The following BAZ2A variants were observed in gnomAD, a reference collection of about 807,000 sequenced individuals.
The protein encoded by BAZ2A is bromodomain adjacent to zinc finger domain 2A, also known as bromodomain adjacent to zinc finger domain protein 2A.
In BAZ2A, 34 loss-of-function variants were observed where a neutral mutation model predicts 199.9. The ratio of observed to expected loss-of-function variants is 0.17; its 90% CI spans 0.13 to 0.23. The LOEUF is 0.23. Ranked by LOEUF, BAZ2A falls within the 10% of genes least tolerant of loss-of-function variation. The pLI is 1.00. For synonymous variants in BAZ2A, 857 were observed against 883.9 expected (o/e 0.97, Z 0.54); for missense variants, 2,002 against 2,391.1 (o/e 0.84, Z 3.39).
intron 2 of BAZ2A, among the ~76,000 whole-genome samples, chr12:56,616,186 C>A (rs1396464465): frequency 1.3e-5 from 2 of 152,148 alleles, no homozygotes; most frequent in African/African-American, 4.8e-5. Flanking sequence ...CAGGCGTGAG[C>A]CACCACGCCT....
Position 56,611,957 on chromosome 12 carries a change from G to A in BAZ2A, c.1425C>T (p.Leu475=). 1 of 1,613,252 alleles carries A rather than the reference G, an allele frequency of 6.2e-7. No individual in the cohort carries two copies. The highest frequency in any genetic ancestry group is 8.5e-7 in the Non-Finnish European group (1 of 1,179,616). The change falls in exon 6 of 29, where the codon CTC becomes CTT. Residue 475 remains leucine, a synonymous_variant. Coordinates refer to ENST00000549884, the MANE Select transcript of BAZ2A (RefSeq NM_001300905.2). ...ACGGGACTTCTAAGGAGACTGCTGG[G>A]AGGACTGCTGAGGAAGCTGGAGAGA... ...SVVSPASSAV[L]PAVSLEVPLT...
At chr12:56,622,640 G>A (rs1210104035) in intron 1 of BAZ2A, among the ~76,000 whole-genome samples, 2 of 152,094 alleles carry the variant, frequency 1.3e-5, no homozygotes, top group Non-Finnish European at 2.9e-5. Flanking sequence ...TAAAGCAAAG[G>A]AGAGCATCTC....
In BAZ2A at chr12:56,612,088, A is replaced by G; in HGVS notation, c.1294T>C (p.Ser432Pro). The G allele has an allele frequency of 6.2e-7, 1 of 1,613,490 alleles. No individual in the cohort carries two copies. ...ATSPAVSPTT[S>P]PAVSLVVSPA... Reference sequence around the variant, plus strand: ...GAAACCACTAGGGAGACTGCTGGGGAGGTTGTTGGCGAGACTGCTGGTGAG... The same window carrying G: ...GAAACCACTAGGGAGACTGCTGGGGGGGTTGTTGGCGAGACTGCTGGTGAG... The change falls in exon 6 of 29, where the codon TCC becomes CCC. Residue 432 changes from serine to proline, a missense_variant. By Grantham distance (74) the Ser-to-Pro change is moderately conservative (BLOSUM62 -1). Around this residue, in one of 6 missense-constraint regions of BAZ2A, gnomAD observed 641 missense variants for 694.5 expected, o/e 0.92. Transcript: ENST00000549884.
rs1034544734 is a variant in BAZ2A, at chr12:56,601,186, G to C, written c.4288C>G (p.Pro1430Ala). 4 of 1,613,920 alleles carry C rather than the reference G, an allele frequency of 2.5e-6. No homozygotes were observed. Among genetic ancestry groups the C allele is most frequent in the African/African-American group, 2.7e-5 (2 of 74,940 alleles). The change falls in exon 21 of 29, where the codon CCA becomes GCA. Residue 1430 changes from proline (P) to alanine (A), a missense_variant. Pro to Ala is a conservative substitution (Grantham distance 27). Coordinates refer to ENST00000549884, the MANE Select transcript of BAZ2A (RefSeq NM_001300905.2). ...YLTQLTAQPV[P>A]PEMCSGWWWI... ...TCACTCCAAGGTCACTCACCAGGTG[G>C]GACAGGCTGGGCTGTCAGCTGGGTT... is the stretch of plus-strand genomic sequence containing the variant.
Position 56,630,267 on chromosome 12 carries a change from G to C in BAZ2A, c.-145C>G, listed in dbSNP as rs984176749. The stretch of plus-strand genomic sequence containing the variant: ...GGGGTCCGGGGTTCGGGAAGGGGGA[G>C]GGGGACGCGGCTCAACCGCGGGGCC... On this transcript the variant is annotated 5_prime_UTR_variant, in exon 1 of 29. Transcript: ENST00000549884. The C allele has an allele frequency of 2.6e-5, 26 of 983,618 alleles. No homozygotes were observed. Among genetic ancestry groups the C allele is most frequent in the Non-Finnish European group, 3.0e-5 (25 of 828,348 alleles). The allele number at this position is 983,618 out of a possible 1,614,324, so 60.9% of individuals were successfully genotyped here.
chr12:56,633,789 A>ATGCAGTGTTGTGATCTCAGCTCGC (rs1951376960), upstream of BAZ2A, among the ~76,000 whole-genome samples: 1 of 152,136 alleles, frequency 6.6e-6, no homozygotes, highest in Non-Finnish European at 1.5e-5. Flanking sequence ...CCAGGCCAGA[A>ATGCAGTGTTGTGATCTCAGCTCGC]TGCAGTGTTG....
At chr12:56,620,445 G>A (rs1290447006) in intron 1 of BAZ2A, among the ~76,000 whole-genome samples, 3 of 152,050 alleles carry the variant, frequency 2.0e-5, no homozygotes, top group Non-Finnish European at 2.9e-5. Flanking sequence ...AGATTGCAGT[G>A]AGCCAAGATC....
chr12:56,617,158 C>CT (rs1232960299), intron 2 of BAZ2A, among the ~76,000 whole-genome samples: 1 of 152,248 alleles, frequency 6.6e-6, no homozygotes, highest in East Asian at 1.9e-4. Flanking sequence ...ACTGCTCTGT[C>CT]AGCAGCCAGG....
rs1423539596 is a variant in BAZ2A, at chr12:56,600,393, C to A, written c.4700G>T (p.Gly1567Val). 1.2e-6 allele frequency: 2 copies of A among 1,614,036 alleles called. No individual in the cohort carries two copies. Among genetic ancestry groups the A allele is most frequent in the Non-Finnish European group, 1.7e-6 (2 of 1,179,900 alleles). Residue 1567 changes from glycine (G) to valine (V), a missense_variant, in exon 24 of 29, where the codon GGC becomes GTC. Physicochemically the swap from Gly to Val is moderately radical, Grantham distance 109 (BLOSUM62 -3). Coordinates refer to ENST00000549884, the MANE Select transcript of BAZ2A (RefSeq NM_001300905.2). Reference protein sequence around the residue: ...SQEDITWRGRGREGLAPQRKT... With the variant: ...SQEDITWRGRVREGLAPQRKT... ...ACGCTGAGGTGCCAGTCCCTCCCTG[C>A]CCCGACCTCGCCAGGTGATATCCTC...
At chr12:56,626,585 G>A (rs1951102792) in intron 1 of BAZ2A, among the ~76,000 whole-genome samples, 1 of 152,128 alleles carries the variant, frequency 6.6e-6, no homozygotes, top group African/African-American at 2.4e-5. Flanking sequence ...TCATCGAGAA[G>A]CTTGAAATAT....
upstream of BAZ2A, chr12:56,634,826 A>C (rs1951407715): frequency 1.2e-6 from 1 of 833,634 alleles, no homozygotes; most frequent in African/African-American, 1.9e-5. Context: ...GAGGAAGGGC[A>C]GCTCCCTCAG....
At chr12:56,625,889 A>AC (rs1292756811) in intron 1 of BAZ2A, among the ~76,000 whole-genome samples, 29 of 151,480 alleles carry the variant, frequency 1.9e-4, no homozygotes, top group African/African-American at 6.8e-4. Flanking sequence ...AAAAAAAAAA[A>AC]AAAAAAAACA....
upstream of BAZ2A, chr12:56,634,987 G>C: frequency 1.0e-6 from 1 of 984,884 alleles, no homozygotes; most frequent in South Asian, 4.7e-5. Context: ...CGGCGGCAGA[G>C]GCGCAGGTGG....
chr12:56,614,056 G>A lies in BAZ2A; in HGVS notation c.813C>T (p.Pro271=), dbSNP rs1446182925. The change falls in exon 4 of 29, where the codon CCC becomes CCT. Residue 271 remains proline, a synonymous_variant. Transcript: ENST00000549884. Reference sequence around the variant, plus strand: ...AAGGATCATCTAAACAGCTCACTGTGGGGTCAGGGACCAGGACTGAGACCT... The same window carrying A: ...AAGGATCATCTAAACAGCTCACTGTAGGGTCAGGGACCAGGACTGAGACCT... ...HQEVSVLVPD[P]TVSCLDDPSH... is the part of the protein sequence containing the mutation. 1 of 1,613,962 alleles carries A rather than the reference G, an allele frequency of 6.2e-7. No individual in the cohort carries two copies. The highest frequency in any genetic ancestry group is 2.2e-5 in the East Asian group (1 of 44,884).
At chr12:56,602,941 A>T in intron 18 of BAZ2A, 84 bp from the exon 19 acceptor site, 1 of 1,421,152 alleles carries the variant, frequency 7.0e-7, no homozygotes, top group Non-Finnish European at 9.5e-7. Flanking sequence ...AGAGAAAGGC[A>T]ATGGCTCTCA....
rs77625477 is a variant in BAZ2A at position 56,615,432 on chromosome 12, G to A, written c.312C>T (p.Asn104=). 6,238 of 1,613,400 alleles carry A rather than the reference G, an allele frequency of 3.9e-3. 20 individuals are homozygous for A. The highest frequency in any genetic ancestry group is 4.5e-3 in the Non-Finnish European group (5,285 of 1,179,834). Residue 104 remains asparagine, a synonymous_variant, in exon 3 of 29, where the codon AAC becomes AAT. Coordinates refer to ENST00000549884, the MANE Select transcript of BAZ2A (RefSeq NM_001300905.2). ...GGGAGAGAAGGGGTGGGTCCTTGAG[G>A]TTGCTGCCAGGATTGGCAGATGGGT... ...SQYPSANPGS[N]LKDPPLLSQF...
Position 56,605,337 on chromosome 12 carries a change from GA to G in BAZ2A, c.2494-11del, listed in dbSNP as rs1000315971. 11 of 1,599,810 alleles carry G rather than the reference GA, an allele frequency of 6.9e-6. No individual in the cohort carries two copies. The highest frequency in any genetic ancestry group is 9.4e-6 in the Non-Finnish European group (11 of 1,169,836). On this transcript the variant is annotated splice_polypyrimidine_tract_variant and intron_variant, in intron 13 of 28. Coordinates refer to ENST00000549884, the MANE Select transcript of BAZ2A (RefSeq NM_001300905.2). ...AGAAGTCAGGCAGGGGCTAGAGAGA[GA>G]AAAGTGAGTAGAGAGTTCTGTTAAA... is the stretch of plus-strand genomic sequence containing the variant.
upstream of BAZ2A, among the ~76,000 whole-genome samples, chr12:56,632,691 G>C (rs1296655138): frequency 6.6e-6 from 1 of 152,114 alleles, no homozygotes; most frequent in East Asian, 1.9e-4. Context: ...AATGAGGTAG[G>C]ATCCATTCTT....
At chr12:56,606,349 C>G (rs1193938365) in intron 11 of BAZ2A, 37 bp from the exon 12 acceptor site, 1 of 1,610,256 alleles carries the variant, frequency 6.2e-7, no homozygotes, top group Non-Finnish European at 8.5e-7. Flanking sequence ...TCCTCAAACT[C>G]TGAAAGCATC....
Sources: allele counts gnomAD v4.1 joint callset (sites outside exome capture counted in the v4.1 genomes callset), GRCh38; gene constraint gnomAD v4.1.1; regional missense constraint gnomAD v4.1.1; transcripts MANE v1.5; gene names NCBI Gene and HGNC (gene_info 2026-07-23, HGNC 2026-07-21).